The following LRRC8E variants were observed in gnomAD, a reference collection of about 807,000 sequenced individuals.
LRRC8E encodes the protein leucine rich repeat containing 8 VRAC subunit E.
Under a neutral mutation model 6.1 loss-of-function variants are expected in LRRC8E, and 6 were observed. The ratio of observed to expected loss-of-function variants is 0.98; its 90% confidence interval spans 0.54 to 1.93. The LOEUF is 1.93. Ranked by LOEUF, LRRC8E falls within the 30% of genes most tolerant of loss-of-function variation. The pLI, the probability that LRRC8E is intolerant of heterozygous loss-of-function variation, is 0.01. For missense variants in LRRC8E, 1,028 were observed against 1,031.4 expected, an observed-to-expected ratio of 1.00 and a Z score of 0.04; for synonymous variants, 485 against 472.8, an observed-to-expected ratio of 1.03 and a Z score of -0.33.
intron 2 of LRRC8E, among the ~76,000 whole-genome samples, chr19:7,897,174 T>TTC (rs1555698108): frequency 2.1e-5 from 3 of 145,346 alleles, no homozygotes; most frequent in African/African-American, 7.5e-5. Flanking sequence ...TTCTTTTTCT[T>TTC]TTTCTTTTTT....
In LRRC8E at chr19:7,892,742, T is replaced by C. The variant is rs562230707; in HGVS notation, c.-5-2857T>C. On this transcript the variant is annotated intron_variant, in intron 1 of 2. Transcript: ENST00000306708. ...GTACATATTCTTCCCCTGGGGACAGTTGAGCTATCCTGGTATGTTTCTACC... is the reference window on the plus strand; with the variant it reads ...GTACATATTCTTCCCCTGGGGACAGCTGAGCTATCCTGGTATGTTTCTACC... Among the ~76,000 whole-genome samples the C allele has an allele frequency of 9.9e-5, 15 of 152,280 alleles. No homozygotes were observed. The East Asian group carries it at 2.9e-3, about 29-fold the overall frequency.
chr19:7,902,014 C>T lies in LRRC8E; in HGVS notation c.*1101C>T, dbSNP rs2145121097. ...TGCTTAATAAATAATACTAATTATGCAAGTTCTAGTTTTGATCTCTTATGT... is the reference window on the plus strand; with the variant it reads ...TGCTTAATAAATAATACTAATTATGTAAGTTCTAGTTTTGATCTCTTATGT... On this transcript the variant is annotated 3_prime_UTR_variant, in exon 3 of 3. Transcript: ENST00000306708. 1 of 152,254 alleles carries T rather than the reference C, an allele frequency of 6.6e-6. No individual in the cohort carries two copies. The highest frequency in any genetic ancestry group is 1.5e-5 in the Non-Finnish European group (1 of 68,028). 9.4% of individuals were successfully genotyped at this position (152,254 alleles called of 1,614,324 possible).
chr19:7,899,308 A>G lies in LRRC8E; in HGVS notation c.786A>G (p.Lys262=), dbSNP rs751269983. The change falls in exon 3 of 3, where the codon AAA becomes AAG. Residue 262 remains lysine, a synonymous_variant. Coordinates refer to ENST00000306708, the MANE Select transcript of LRRC8E (RefSeq NM_025061.6). ...YTMYIRQTVL[K]VCKFLAILVY... is the part of the protein sequence containing the mutation. Reference sequence around the variant, plus strand: ...TGTACATCCGACAGACGGTGCTGAAAGTGTGTAAGTTCCTGGCCATCCTGG... The same window carrying G: ...TGTACATCCGACAGACGGTGCTGAAGGTGTGTAAGTTCCTGGCCATCCTGG... 3 of 1,614,086 alleles carry G rather than the reference A, an allele frequency of 1.9e-6. No homozygotes were observed. The East Asian group carries it at 6.7e-5, about 36-fold the overall frequency.
Position 7,899,614 on chromosome 19 carries a change from C to A in LRRC8E, c.1092C>A (p.Ala364=). ...GDIPDVKNDF[A]FMLHLIDQYD... is the part of the protein sequence containing the mutation. ...TTCCTGACGTCAAGAATGACTTCGC[C>A]TTCATGCTGCACCTCATCGATCAGT... The change falls in exon 3 of 3, where the codon GCC becomes GCA. Residue 364 remains alanine (A), a synonymous_variant. Coordinates refer to ENST00000306708, the MANE Select transcript of LRRC8E (RefSeq NM_025061.6). 2 of 1,613,812 alleles carry A rather than the reference C, an allele frequency of 1.2e-6. No individual in the cohort carries two copies. The highest frequency in any genetic ancestry group is 1.7e-6 in the Non-Finnish European group (2 of 1,180,022).
chr19:7,898,989 G>A lies in LRRC8E; in HGVS notation c.467G>A (p.Cys156Tyr), dbSNP rs372125973. 5 of 1,613,962 alleles carry A rather than the reference G, an allele frequency of 3.1e-6. No individual in the cohort carries two copies. The African/African-American group carries it at 5.3e-5, about 17-fold the overall frequency. The change falls in exon 3 of 3, where the codon TGT becomes TAT. Residue 156 changes from cysteine to tyrosine, a missense_variant. Physicochemically the swap from Cys to Tyr is radical, Grantham distance 194 (BLOSUM62 -2). Coordinates refer to ENST00000306708, the MANE Select transcript of LRRC8E (RefSeq NM_025061.6). ...CACTTCATCTCCATCCTGGGCAAGTGTTTCGACTCTCCATGGACCACCAGG... is the reference window on the plus strand; with the variant it reads ...CACTTCATCTCCATCCTGGGCAAGTATTTCGACTCTCCATGGACCACCAGG... ...IEHFISILGK[C>Y]FDSPWTTRAL... is the part of the protein sequence containing the mutation.
chr19:7,900,533 C>G lies in LRRC8E; in HGVS notation c.2011C>G (p.Gln671Glu), dbSNP rs1027439686. 5 of 1,612,996 alleles carry G rather than the reference C, an allele frequency of 3.1e-6. No homozygotes were observed. The African/African-American group carries it at 6.7e-5, about 22-fold the overall frequency. Reference sequence around the variant, plus strand: ...CAACAAGCTGGAGACCCTGCCCTCCCAGCTCGGCCTGTGCTCAGGCCTCCG... The same window carrying G: ...CAACAAGCTGGAGACCCTGCCCTCCGAGCTCGGCCTGTGCTCAGGCCTCCG... Reference protein sequence around the residue: ...SYNKLETLPSQLGLCSGLRLL... With the variant: ...SYNKLETLPSELGLCSGLRLL... The change falls in exon 3 of 3, where the codon CAG becomes GAG. Residue 671 changes from glutamine to glutamate, a missense_variant. Coordinates refer to ENST00000306708, the MANE Select transcript of LRRC8E (RefSeq NM_025061.6). The surrounding 1 kb of genome is among the most constrained non-coding windows in gnomAD (Gnocchi z 5.0).
At position 7,895,476 on chromosome 19, in the gene LRRC8E, T is replaced by TTGGACAAGTTTGGGCAGGGAGGGTCAC; in HGVS notation, c.-5-122_-5-96dup. Reference sequence around the variant, plus strand: ...AAGTGGGGGCACACACTTTGGTGGTTTGGACAAGTTTGGGCAGGGAGGGTC... The same window carrying TTGGACAAGTTTGGGCAGGGAGGGTCAC: ...AAGTGGGGGCACACACTTTGGTGGTTTGGACAAGTTTGGGCAGGGAGGGTCACTGGACAAGTTTGGGCAGGGAGGGTC... On this transcript the variant is annotated intron_variant, in intron 1 of 2. Transcript: ENST00000306708. The surrounding 1 kb of genome is among the most constrained non-coding windows in gnomAD (Gnocchi z 4.7). 8.1e-7 allele frequency: 1 copy of TTGGACAAGTTTGGGCAGGGAGGGTCAC among 1,231,798 alleles called. No homozygotes were observed. 76.3% of individuals were successfully genotyped at this position (1,231,798 alleles called of 1,614,324 possible).
In LRRC8E at chr19:7,895,803, C is replaced by A; in HGVS notation, c.138+62C>A. On this transcript the variant is annotated intron_variant, in intron 2 of 2. Coordinates refer to ENST00000306708, the MANE Select transcript of LRRC8E (RefSeq NM_025061.6). The surrounding 1 kb of genome is among the most constrained non-coding windows in gnomAD (Gnocchi z 4.7). ...GGGCGGGGCAGGTGTCTGGGGAAGT[C>A]GGGAAGCCTTCTCATCACCCAAGAA... 1.9e-6 allele frequency: 3 copies of A among 1,583,414 alleles called. No homozygotes were observed. In the South Asian group the frequency reaches 3.4e-5, roughly 18 times the overall value.
intron 1 of LRRC8E, among the ~76,000 whole-genome samples, chr19:7,889,189 C>A (rs1055101093): frequency 6.6e-6 from 1 of 152,114 alleles, no homozygotes; most frequent in Non-Finnish European, 1.5e-5. Context: ...CCGTGCCTTA[C>A]GTCTATAATC....
In LRRC8E at chr19:7,899,643, A is replaced by G; in HGVS notation, c.1121A>G (p.Asp374Gly). 1 of 1,613,334 alleles carries G rather than the reference A, an allele frequency of 6.2e-7. No individual in the cohort carries two copies. Among genetic ancestry groups the G allele is most frequent in the African/African-American group, 1.3e-5 (1 of 74,914 alleles). The stretch of plus-strand genomic sequence containing the variant: ...ATGCTGCACCTCATCGATCAGTACG[A>G]CTCCCTCTACTCCAAGCGCTTCGCC... The part of the protein sequence containing the change: ...AFMLHLIDQY[D>G]SLYSKRFAVF... The change falls in exon 3 of 3, where the codon GAC (aspartate) becomes GGC (glycine). Residue 374 changes from aspartate (D) to glycine (G), a missense_variant. By Grantham distance (94) the Asp-to-Gly change is moderately conservative. Coordinates refer to ENST00000306708, the MANE Select transcript of LRRC8E (RefSeq NM_025061.6).
At chr19:7,894,251 A>T (rs1346913501) in intron 1 of LRRC8E, among the ~76,000 whole-genome samples, 1 of 152,022 alleles carries the variant, frequency 6.6e-6, no homozygotes, top group Non-Finnish European at 1.5e-5. Context: ...TTTGAGATGG[A>T]GTCTCACTCT....
rs765702155 is a variant in LRRC8E, at chr19:7,900,677, T to C, written c.2155T>C (p.Phe719Leu). 3.7e-6 allele frequency: 6 copies of C among 1,613,364 alleles called. No individual in the cohort carries two copies. The highest frequency in any genetic ancestry group is 1.1e-5 in the South Asian group (1 of 91,074). The change falls in exon 3 of 3, where the codon TTC becomes CTC. Residue 719 changes from phenylalanine (F) to leucine (L), a missense_variant. Transcript: ENST00000306708. The surrounding 1 kb of genome is among the most constrained non-coding windows in gnomAD (Gnocchi z 5.0). The stretch of plus-strand genomic sequence containing the variant: ...CCTGGAGGCCCTGCCCGAAGAGCTC[T>C]TCTTCTGCCGCAAGCTGCGGACGTT... ...NALEALPEEL[F>L]FCRKLRTLLL...
chr19:7,901,043 C>CA lies in LRRC8E; in HGVS notation c.*131dup. 1.4e-6 allele frequency: 1 copy of CA among 728,948 alleles called. No individual in the cohort carries two copies. Among genetic ancestry groups the CA allele is most frequent in the Non-Finnish European group, 2.1e-6 (1 of 471,598 alleles). 45.2% of individuals were successfully genotyped at this position (728,948 alleles called of 1,614,324 possible). On this transcript the variant is annotated 3_prime_UTR_variant, in exon 3 of 3. Coordinates refer to ENST00000306708, the MANE Select transcript of LRRC8E (RefSeq NM_025061.6). ...ATGGGGGGGGCGGGGGCAGCTGTGT[C>CA]ATCTTTCTGGGGCCCAGGAGGATCT... is the stretch of plus-strand genomic sequence containing the variant.
In LRRC8E at chr19:7,901,397, A is replaced by G. The variant is rs1264059491; in HGVS notation, c.*484A>G. The G allele has an allele frequency of 6.5e-6, 1 of 153,030 alleles. No homozygotes were observed. Among genetic ancestry groups the G allele is most frequent in the South Asian group, 2.1e-4 (1 of 4,838 alleles). 9.5% of individuals were successfully genotyped at this position (153,030 alleles called of 1,614,324 possible). A position where few individuals can be genotyped will look rare whatever the true frequency, so the allele number is the denominator to read the frequency against. Reference sequence around the variant, plus strand: ...CTGTGTTATATGTTAGCTCCGAACAATGGTTCTCATTTGGCTAAGCATCAA... The same window carrying G: ...CTGTGTTATATGTTAGCTCCGAACAGTGGTTCTCATTTGGCTAAGCATCAA... On this transcript the variant is annotated 3_prime_UTR_variant, in exon 3 of 3. Transcript: ENST00000306708.
chr19:7,901,120 C>A lies in LRRC8E; in HGVS notation c.*207C>A. ...AGGATGTTGTGGAGCTGGGGTGGAA[C>A]CTGGTATGGAGGGATTAACTCAGTC... On this transcript the variant is annotated 3_prime_UTR_variant, in exon 3 of 3. Transcript: ENST00000306708. 1 of 512,954 alleles carries A rather than the reference C, an allele frequency of 1.9e-6. No individual in the cohort carries two copies. Among genetic ancestry groups the A allele is most frequent in the Non-Finnish European group, 3.4e-6 (1 of 294,400 alleles). 31.8% of individuals were successfully genotyped at this position (512,954 alleles called of 1,614,324 possible).
chr19:7,895,810 CCTT>C lies in LRRC8E; in HGVS notation c.138+72_138+74del. 2 of 1,571,652 alleles carry C rather than the reference CCTT, an allele frequency of 1.3e-6. No individual in the cohort carries two copies. The highest frequency in any genetic ancestry group is 1.7e-6 in the Non-Finnish European group (2 of 1,148,820). ...GCAGGTGTCTGGGGAAGTCGGGAAG[CCTT>C]CTCATCACCCAAGAAAGAGAGGAAA... On this transcript the variant is annotated intron_variant, in intron 2 of 2. Coordinates refer to ENST00000306708, the MANE Select transcript of LRRC8E (RefSeq NM_025061.6). The surrounding 1 kb of genome is among the most constrained non-coding windows in gnomAD (Gnocchi z 4.7).
intron 2 of LRRC8E, among the ~76,000 whole-genome samples, chr19:7,898,420 C>A (rs146116642): frequency 6.6e-6 from 1 of 151,990 alleles, no homozygotes; most frequent in African/African-American, 2.4e-5. Context: ...AGTACAATGG[C>A]GCGATCTCGG....
chr19:7,895,884 T>C lies in LRRC8E; in HGVS notation c.138+143T>C, dbSNP rs1403285555. 1 of 972,520 alleles carries C rather than the reference T, an allele frequency of 1.0e-6. No homozygotes were observed. The highest frequency in any genetic ancestry group is 1.5e-6 in the Non-Finnish European group (1 of 666,046). The allele number at this position is 972,520 out of a possible 1,614,324, so 60.2% of individuals were successfully genotyped here. A position where few individuals can be genotyped will look rare whatever the true frequency, so the allele number is the denominator to read the frequency against. The stretch of plus-strand genomic sequence containing the variant: ...AAAGGCCAATCCAGACCCCTTATCT[T>C]CCTTACCTCCATAGCCAGGAGCACC... On this transcript the variant is annotated intron_variant, in intron 2 of 2. Transcript: ENST00000306708. This position sits in a 1 kb window ranked among gnomAD's most constrained non-coding sequence, Gnocchi z 4.7.
At position 7,895,589 on chromosome 19, in the gene LRRC8E, C is replaced by A. The variant is rs369740345; in HGVS notation, c.-5-10C>A. Reference sequence around the variant, plus strand: ...TCTCTCTACACCCCCCGTCTCGTCCCGTCCCACAGGCAGCATGATCCCAGT... The same window carrying A: ...TCTCTCTACACCCCCCGTCTCGTCCAGTCCCACAGGCAGCATGATCCCAGT... On this transcript the variant is annotated splice_polypyrimidine_tract_variant and intron_variant, in intron 1 of 2. Coordinates refer to ENST00000306708, the MANE Select transcript of LRRC8E (RefSeq NM_025061.6). The surrounding 1 kb of genome is among the most constrained non-coding windows in gnomAD (Gnocchi z 4.7). 2 of 1,609,826 alleles carry A rather than the reference C, an allele frequency of 1.2e-6. No homozygotes were observed. Among genetic ancestry groups the A allele is most frequent in the African/African-American group, 2.7e-5 (2 of 74,840 alleles).
Sources: allele counts gnomAD v4.1 joint callset (sites outside exome capture counted in the v4.1 genomes callset), GRCh38; gene constraint gnomAD v4.1.1; non-coding constraint Gnocchi (gnomAD v3.1); transcripts MANE v1.5; gene names NCBI Gene and HGNC (gene_info 2026-07-23, HGNC 2026-07-21).